Variants in PAX9 observed in about 807,000 individuals in gnomAD.
PAX9 encodes paired box protein Pax-9.
In PAX9, 6 loss-of-function variants were observed where a neutral mutation model predicts 29.1. That is an observed-to-expected ratio of 0.21 (90% CI 0.11 to 0.41). The LOEUF is 0.41. PAX9 is among the 10% of genes least tolerant of loss of function. The pLI, the probability that PAX9 is intolerant of heterozygous loss-of-function variation, is 1.00. For synonymous variants in PAX9, 217 were observed against 211.7 expected (o/e 1.03, Z -0.22); for missense variants, 443 against 479.1 (o/e 0.92, Z 0.70).
At chr14:36,662,236 G>C in intron 1 of PAX9, 143 bp downstream of exon 1, 8 of 984,882 alleles carry the variant, frequency 8.1e-6, no homozygotes, top group Non-Finnish European at 1.2e-5. Context: ...GTTCCTACAA[G>C]TTGTAGGAAC....
At chr14:36,657,664 G>C (rs1171065870), upstream of PAX9, 1 of 128,034 alleles carries the variant, frequency 7.8e-6, no homozygotes, top group Non-Finnish European at 1.7e-5. Flanking sequence ...TGTCGCTGTC[G>C]GACCGCAGAA....
intron 3 of PAX9, among the ~76,000 whole-genome samples, chr14:36,668,296 A>G (rs1881579160): frequency 6.6e-6 from 1 of 152,232 alleles, no homozygotes; most frequent in African/African-American, 2.4e-5. Flanking sequence ...TGTGAAGTAT[A>G]GAGTTGAAAA....
intron 2 of PAX9, among the ~76,000 whole-genome samples, chr14:36,664,187 C>G (rs1272802300): frequency 6.6e-6 from 1 of 152,218 alleles, no homozygotes; most frequent in African/African-American, 2.4e-5. Flanking sequence ...CATTCTCTCT[C>G]TCTCTCTTTC....
chr14:36,666,330 C>A, intron 2 of PAX9, 132 bp from the exon 3 acceptor site: 1 of 1,229,654 alleles, frequency 8.1e-7, no homozygotes, highest in East Asian at 2.6e-5. Context: ...CCAGCGCCCT[C>A]GGGAGGCCAA....
rs546382618 is a variant in PAX9, at chr14:36,678,189, G to A, written c.*1737G>A. On this transcript the variant is annotated 3_prime_UTR_variant, in exon 4 of 4. Transcript: ENST00000361487. ...AATGCGGTTCCACCACATCGGTTTC[G>A]TGGCTTCGTTTAAAACTCAGATGGC... is the stretch of plus-strand genomic sequence containing the variant. 1.1e-5 allele frequency: 5 copies of A among 451,046 alleles called. No homozygotes were observed. Among genetic ancestry groups the A allele is most frequent in the East Asian group, 7.2e-5 (2 of 27,790 alleles). 27.9% of individuals were successfully genotyped at this position (451,046 alleles called of 1,614,324 possible).
rs375546483 is a variant in PAX9 at position 36,663,229 on chromosome 14, G to C, written c.337G>C (p.Asp113His). Reference sequence around the variant, plus strand: ...CCGCCTGCTGGCGGACGGCGTGTGCGACAAGTACAATGTGCCCTCCGTGAG... The same window carrying C: ...CCGCCTGCTGGCGGACGGCGTGTGCCACAAGTACAATGTGCCCTCCGTGAG... ...RDRLLADGVCDKYNVPSVSSI... is the reference protein window; with the variant it reads ...RDRLLADGVCHKYNVPSVSSI... Residue 113 changes from aspartate to histidine, a missense_variant, in exon 2 of 4, where the codon GAC (aspartate) becomes CAC (histidine). Physicochemically the swap from Asp to His is moderately conservative, Grantham distance 81. Coordinates refer to ENST00000361487, the MANE Select transcript of PAX9 (RefSeq NM_001372076.1). 4 of 1,613,970 alleles carry C rather than the reference G, an allele frequency of 2.5e-6. No homozygotes were observed. The highest frequency in any genetic ancestry group is 3.4e-6 in the Non-Finnish European group (4 of 1,180,046).
intron 3 of PAX9, 146 bp from the exon 4 acceptor site, chr14:36,676,052 A>G (rs1881873342): frequency 2.8e-6 from 2 of 704,778 alleles, no homozygotes; most frequent in Non-Finnish European, 4.8e-6. Flanking sequence ...AGAATATAAT[A>G]AAGCTCAAAT....
At chr14:36,662,423 G>T (rs1479583422) in intron 1 of PAX9, among the ~76,000 whole-genome samples, 1 of 152,134 alleles carries the variant, frequency 6.6e-6, no homozygotes, top group Non-Finnish European at 1.5e-5. Flanking sequence ...AACAGGAAAA[G>T]AAAAGAAAAG....
At chr14:36,657,574 C>T (rs1881069647), upstream of PAX9, 1 of 152,234 alleles carries the variant, frequency 6.6e-6, no homozygotes, top group South Asian at 2.1e-4. Context: ...AGGCCCCTCC[C>T]CTGCTCTCGC....
intron 3 of PAX9, among the ~76,000 whole-genome samples, chr14:36,673,408 T>C (rs1881767228): frequency 6.6e-6 from 1 of 152,188 alleles, no homozygotes; most frequent in South Asian, 2.1e-4. Flanking sequence ...AATGTAATCA[T>C]GGAATAAATA....
At chr14:36,658,168 A>C (rs992711385), upstream of PAX9, among the ~76,000 whole-genome samples, 6 of 152,070 alleles carry the variant, frequency 3.9e-5, no homozygotes, top group Admixed American at 3.9e-4. Flanking sequence ...AGTTCTGGAG[A>C]AGCTGGGCTT....
Position 36,662,186 on chromosome 14 carries a change from G to C in PAX9, c.4+93G>C, listed in dbSNP as rs111762530. Reference sequence around the variant, plus strand: ...AGGGAGGGAGGGAGCGCGAGGGCGCGCGCCACTAGGCGCTCACATTCTCTA... The same window carrying C: ...AGGGAGGGAGGGAGCGCGAGGGCGCCCGCCACTAGGCGCTCACATTCTCTA... On this transcript the variant is annotated intron_variant, in intron 1 of 3. Transcript: ENST00000361487. 19 of 1,289,798 alleles carry C rather than the reference G, an allele frequency of 1.5e-5. 1 individual carries two copies. The African/African-American group carries it at 2.5e-4, about 17-fold the overall frequency. 79.9% of individuals were successfully genotyped at this position (1,289,798 alleles called of 1,614,324 possible).
intron 3 of PAX9, among the ~76,000 whole-genome samples, chr14:36,667,765 G>C (rs1458706916): frequency 2.0e-5 from 3 of 152,112 alleles, no homozygotes; most frequent in African/African-American, 7.2e-5. Context: ...AAATAGCAAG[G>C]AAAGAGAGCC....
chr14:36,673,236 G>A (rs1206049933), intron 3 of PAX9, among the ~76,000 whole-genome samples: 1 of 151,970 alleles, frequency 6.6e-6, no homozygotes, highest in African/African-American at 2.4e-5. Flanking sequence ...GCAGTACAAA[G>A]GGATTGCATC....
chr14:36,673,660 G>A (rs777583538), intron 3 of PAX9, among the ~76,000 whole-genome samples: 27 of 152,210 alleles, frequency 1.8e-4, no homozygotes, highest in South Asian at 6.2e-4. Flanking sequence ...ACTAAGCAAG[G>A]ATTTCAGAGA....
At chr14:36,662,706 G>T (rs1382412103) in intron 1 of PAX9, 191 bp from the exon 2 acceptor site, 4 of 661,918 alleles carry the variant, frequency 6.0e-6, no homozygotes, top group Non-Finnish European at 1.0e-5. Context: ...GAGGGAGGGG[G>T]TCCGATTGGA....
Position 36,661,894 on chromosome 14 carries a change from A to G in PAX9, c.-196A>G. On this transcript the variant is annotated 5_prime_UTR_variant, in exon 1 of 4. Transcript: ENST00000361487. ...CACGTTGCTGCTTAGATTGAAATGC[A>G]GAACTCAAGCCTCTTTCATCGGGGC... The G allele has an allele frequency of 2.9e-6, 2 of 685,996 alleles. No homozygotes were observed. The highest frequency in any genetic ancestry group is 5.2e-6 in the Non-Finnish European group (2 of 387,040). The allele number at this position is 685,996 out of a possible 1,614,324, so 42.5% of individuals were successfully genotyped here. A position where few individuals can be genotyped will look rare whatever the true frequency, so the allele number is the denominator to read the frequency against.
rs536605962 is a variant in PAX9, at chr14:36,674,223, G to T, written c.772-1975G>T. Among the ~76,000 whole-genome samples, 4 of 152,232 alleles carry T rather than the reference G, an allele frequency of 2.6e-5. No homozygotes were observed. In the East Asian group the frequency reaches 5.8e-4, roughly 22 times the overall value. ...GGAAGAAACTATTCTTTTTTTAGAAGGGATCTGACAATGAGAATCATGTTC... is the reference window on the plus strand; with the variant it reads ...GGAAGAAACTATTCTTTTTTTAGAATGGATCTGACAATGAGAATCATGTTC... On this transcript the variant is annotated intron_variant, in intron 3 of 3. Coordinates refer to ENST00000361487, the MANE Select transcript of PAX9 (RefSeq NM_001372076.1).
At chr14:36,668,243 C>T (rs757102928) in intron 3 of PAX9, among the ~76,000 whole-genome samples, 1 of 152,118 alleles carries the variant, frequency 6.6e-6, no homozygotes, top group South Asian at 2.1e-4. Context: ...ATTTAATAGG[C>T]GCTCAGTGCT....
Sources: gnomAD v4.1 joint callset for allele counts (sites outside exome capture counted in the v4.1 genomes callset) on GRCh38, gnomAD v4.1.1 for gene constraint, MANE v1.5 for transcripts, NCBI Gene and HGNC (gene_info 2026-07-23, HGNC 2026-07-21) for gene names.